TEKT5: variants seen among roughly 807,000 people sequenced by gnomAD.
The protein encoded by TEKT5 is tektin-5.
TEKT5 carries 52 observed loss-of-function variants against 48.7 expected under a neutral mutation model. That is an observed-to-expected ratio of 1.07 (90% CI 0.86 to 1.35). The LOEUF (loss-of-function observed/expected upper bound fraction) is 1.35. TEKT5 is among the 40% of genes most tolerant of loss of function. The probability of loss-of-function intolerance (pLI) is 0.00; values close to 1 mark genes in which losing one functional copy is unlikely to be tolerated. For synonymous variants in TEKT5, 318 were observed against 267.6 expected (o/e 1.19, Z -1.84); for missense variants, 831 against 641.6 (o/e 1.30, Z -3.19).
chr16:10,636,126 G>A (rs62025769), intron 5 of TEKT5, among the ~76,000 whole-genome samples: 15,292 of 152,198 alleles, frequency 0.1, 852 homozygotes, highest in Middle Eastern at 0.13. Flanking sequence ...TGTAATCCCA[G>A]CACTTTGGGA....
chr16:10,682,179 A>T (rs1360683656), intron 3 of TEKT5, 43 bp from the exon 4 acceptor site: 1 of 1,598,764 alleles, frequency 6.3e-7, no homozygotes, highest in South Asian at 1.1e-5. Context: ...GCACCTGCAC[A>T]GAGTACCCAG....
At chr16:10,679,179 T>G (rs1443915692) in intron 4 of TEKT5, among the ~76,000 whole-genome samples, 2 of 152,062 alleles carry the variant, frequency 1.3e-5, no homozygotes, top group African/African-American at 4.8e-5. Context: ...GCCCAAAAAA[T>G]GTTTATTATT....
rs140092555 is a variant in TEKT5 at position 10,653,665 on chromosome 16, C to G, written c.1087-17747G>C. 7.4e-3 allele frequency among the ~76,000 whole-genome samples: 1,124 copies of G among 152,298 alleles called. 23 individuals carry two copies. The highest frequency in any genetic ancestry group is 0.022 in the African/African-American group (932 of 41,558). On this transcript the variant is annotated intron_variant, in intron 5 of 6. Coordinates refer to ENST00000283025, the MANE Select transcript of TEKT5 (RefSeq NM_144674.2). The stretch of plus-strand genomic sequence containing the variant: ...TGGTGGCCTACGCTTGTAATCCAAA[C>G]ACTTTGGGAGGCCAAGGTGGGGAGA...
intron 4 of TEKT5, among the ~76,000 whole-genome samples, chr16:10,678,333 G>A (rs1015421084): frequency 6.6e-6 from 1 of 152,212 alleles, no homozygotes; most frequent in South Asian, 2.1e-4. Context: ...TCTTGACGTC[G>A]TGATTCGCCC....
chr16:10,657,910 A>G (rs1423428978), intron 5 of TEKT5, among the ~76,000 whole-genome samples: 1 of 151,706 alleles, frequency 6.6e-6, no homozygotes, highest in Non-Finnish European at 1.5e-5. Context: ...TCCCCTTTCA[A>G]TTTTTTCCAA....
chr16:10,689,231 T>G (rs771921717), intron 3 of TEKT5, 22 bp downstream of exon 3: 2 of 1,383,724 alleles, frequency 1.4e-6, no homozygotes, highest in Non-Finnish European at 2.0e-6. Context: ...GAGAGGGAAT[T>G]AAAAAAAAAA....
intron 5 of TEKT5, among the ~76,000 whole-genome samples, chr16:10,669,531 T>C (rs1391264173): frequency 6.6e-6 from 1 of 152,200 alleles, no homozygotes; most frequent in Non-Finnish European, 1.5e-5. Context: ...ACTTTTGAGA[T>C]GGTCAGAAGC....
chr16:10,632,332 T>C (rs1227693296), intron 6 of TEKT5, among the ~76,000 whole-genome samples: 1 of 152,120 alleles, frequency 6.6e-6, no homozygotes, highest in African/African-American at 2.4e-5. Context: ...GGGTGTTGCA[T>C]TGTTCCCCAG....
At chr16:10,694,272 G>T (rs2251985) in intron 1 of TEKT5, 38 bp downstream of exon 1, 817,504 of 1,517,134 alleles carry the variant, frequency 0.54, 222,264 homozygotes, top group African/African-American at 0.68. Context: ...AGTATCCCCA[G>T]GACACAGCCA....
intron 5 of TEKT5, among the ~76,000 whole-genome samples, chr16:10,648,922 G>C (rs1043262547): frequency 6.6e-6 from 1 of 152,150 alleles, no homozygotes; most frequent in Non-Finnish European, 1.5e-5. Flanking sequence ...ATTTATTGAA[G>C]AGACCTGAAG....
Position 10,689,957 on chromosome 16 carries a change from C to A in TEKT5, c.633G>T (p.Glu211Asp), listed in dbSNP as rs1221852163. ...GATGCCTTACCCGGATAAGGTTTTT[C>A]TCCACGTTGTCATGGACCAAATCAA... ...IGIDLVHDNVEKNLIREVDLL... is the reference protein window; with the variant it reads ...IGIDLVHDNVDKNLIREVDLL... The change falls in exon 2 of 7, where the codon GAG (glutamate) becomes GAT (aspartate). Residue 211 changes from glutamate (E) to aspartate (D), a missense_variant. Glu to Asp is a conservative substitution (Grantham distance 45). Transcript: ENST00000283025. 4 of 1,614,082 alleles carry A rather than the reference C, an allele frequency of 2.5e-6. No individual in the cohort carries two copies. The highest frequency in any genetic ancestry group is 3.4e-6 in the Non-Finnish European group (4 of 1,180,014).
chr16:10,634,966 A>C (rs556574389), intron 6 of TEKT5, among the ~76,000 whole-genome samples: 1 of 152,308 alleles, frequency 6.6e-6, no homozygotes, highest in African/African-American at 2.4e-5. Context: ...ACCCACGGAA[A>C]CTGAGATAAC....
At chr16:10,680,072 C>T in intron 4 of TEKT5, among the ~76,000 whole-genome samples, 1 of 152,206 alleles carries the variant, frequency 6.6e-6, no homozygotes, top group East Asian at 1.9e-4. Context: ...GGCTCTGGGG[C>T]TGCCAGGTTT....
At chr16:10,639,380 C>G (rs1288353182) in intron 5 of TEKT5, among the ~76,000 whole-genome samples, 1 of 152,144 alleles carries the variant, frequency 6.6e-6, no homozygotes, top group Non-Finnish European at 1.5e-5. Flanking sequence ...CACTCACACA[C>G]CAGAGACAGA....
At chr16:10,640,313 T>G (rs1415538307) in intron 5 of TEKT5, among the ~76,000 whole-genome samples, 1 of 152,084 alleles carries the variant, frequency 6.6e-6, no homozygotes, top group Non-Finnish European at 1.5e-5. Flanking sequence ...CAGCTAACTT[T>G]CTGTTGCCCA....
chr16:10,659,360 T>A (rs1316309884), intron 5 of TEKT5, among the ~76,000 whole-genome samples: 1 of 152,244 alleles, frequency 6.6e-6, no homozygotes, highest in Non-Finnish European at 1.5e-5. Context: ...TGTTCTTTGC[T>A]GTGTTATACC....
intron 5 of TEKT5, among the ~76,000 whole-genome samples, chr16:10,644,672 A>C (rs530491121): frequency 6.6e-6 from 1 of 152,200 alleles, no homozygotes; most frequent in Non-Finnish European, 1.5e-5. Context: ...AACATAAGCT[A>C]TCAGAAATCA....
chr16:10,687,912 T>C (rs1299099082), intron 3 of TEKT5, among the ~76,000 whole-genome samples: 1 of 152,270 alleles, frequency 6.6e-6, no homozygotes, highest in Non-Finnish European at 1.5e-5. Flanking sequence ...ATGCAATTTG[T>C]AACAATCACA....
intron 1 of TEKT5, 79 bp from the exon 2 acceptor site, chr16:10,690,104 T>C (rs1898942215): frequency 1.4e-6 from 2 of 1,473,666 alleles, no homozygotes. Flanking sequence ...ACATCCACCC[T>C]TGCCACAATC....
Sources: allele counts gnomAD v4.1 joint callset (sites outside exome capture counted in the v4.1 genomes callset), GRCh38; gene constraint gnomAD v4.1.1; transcripts MANE v1.5; gene names NCBI Gene and HGNC (gene_info 2026-07-23, HGNC 2026-07-21).